Variants in CHL1 observed in about 807,000 individuals in gnomAD.
CHL1 encodes neural cell adhesion molecule L1-like protein.
Under a neutral mutation model 141.9 loss-of-function variants are expected in CHL1, and 96 were observed. That is an observed-to-expected ratio of 0.68 (90% confidence interval 0.57 to 0.80). CHL1 has a LOEUF of 0.80. Ranked by LOEUF, CHL1 falls within the 30% of genes least tolerant of loss-of-function variation. The pLI, the probability that CHL1 is intolerant of heterozygous loss-of-function variation, is 0.00. For missense variants in CHL1, 1,820 were observed against 1,457.2 expected (o/e 1.25, Z -4.05); for synonymous variants, 613 against 502.2 (o/e 1.22, Z -2.95).
In CHL1 at chr3:349,519, C is replaced by T; in HGVS notation, c.1009C>T (p.His337Tyr). The T allele has an allele frequency of 6.2e-7, 1 of 1,613,494 alleles. No individual in the cohort carries two copies. Among genetic ancestry groups the T allele is most frequent in the Non-Finnish European group, 8.5e-7 (1 of 1,179,784 alleles). ...TASNFLGTAT[H>Y]DFHVIVEEPP... Reference sequence around the variant, plus strand: ...CAGCAATTTCTTGGGAACAGCCACTCACGATTTTCACGTTATAGTAGAAGG... The same window carrying T: ...CAGCAATTTCTTGGGAACAGCCACTTACGATTTTCACGTTATAGTAGAAGG... Residue 337 changes from histidine (H) to tyrosine (Y), a missense_variant, in exon 10 of 28, where the codon CAC (histidine) becomes TAC (tyrosine). Transcript: ENST00000256509.
intron 2 of CHL1, among the ~76,000 whole-genome samples, chr3:283,083 A>G (rs1696809743): frequency 1.3e-5 from 2 of 152,196 alleles, no homozygotes; most frequent in African/African-American, 2.4e-5. Flanking sequence ...CACATAGTGA[A>G]TACATCTCTC....
At position 391,158 on chromosome 3, in the gene CHL1, A is replaced by G. The variant is rs773041284; in HGVS notation, c.2790A>G (p.Gly930=). 1 of 1,603,178 alleles carries G rather than the reference A, an allele frequency of 6.2e-7. No homozygotes were observed. The highest frequency in any genetic ancestry group is 8.5e-7 in the Non-Finnish European group (1 of 1,170,264). ...SEPYIFQTPE[G]VPEQPTFLKV... ...CTTATATATTTCAAACACCAGAAGG[A>G]GGTGAGAGGATAATGATGTAGAGTC... The change falls in exon 22 of 28, where the codon GGA becomes GGG. Residue 930 remains glycine (G), a splice_region_variant and synonymous_variant. Coordinates refer to ENST00000256509, the MANE Select transcript of CHL1 (RefSeq NM_006614.4).
intron 2 of CHL1, among the ~76,000 whole-genome samples, chr3:264,429 C>T (rs1694992634): frequency 6.6e-6 from 1 of 151,990 alleles, no homozygotes; most frequent in South Asian, 2.1e-4. Context: ...TTTTGAAAGC[C>T]ATACTCTGAA....
intron 19 of CHL1, 80 bp downstream of exon 19, chr3:383,966 C>A: frequency 2.3e-6 from 2 of 874,736 alleles, no homozygotes; most frequent in South Asian, 1.7e-5. Flanking sequence ...ACAATGATAG[C>A]ACAACATTTT....
chr3:337,372 T>TA (rs991120560), intron 5 of CHL1, among the ~76,000 whole-genome samples: 6 of 3,234 alleles, frequency 1.9e-3, no homozygotes, highest in Admixed American at 3.6e-3. Context: ...TTTATATATA[T>TA]TTTTTAAATT....
chr3:197,787 G>A, intron 1 of CHL1: 1 of 456,302 alleles, frequency 2.2e-6, no homozygotes, highest in Non-Finnish European at 4.4e-6. Context: ...TGGTTGCCAT[G>A]GCTCCTGGTA....
chr3:370,638 C>G (rs116223837), intron 15 of CHL1, among the ~76,000 whole-genome samples: 1,801 of 150,736 alleles, frequency 0.012, 22 homozygotes, highest in Non-Finnish European at 0.014. Flanking sequence ...TTTCTCTTGT[C>G]TTCTGCTAGC....
intron 11 of CHL1, among the ~76,000 whole-genome samples, chr3:355,467 A>G (rs1031007164): frequency 1.3e-5 from 2 of 152,160 alleles, no homozygotes; most frequent in South Asian, 2.1e-4. Flanking sequence ...GGAGTCCCCA[A>G]ATCTTCCACT....
chr3:389,573 CA>C, intron 20 of CHL1, 99 bp downstream of exon 20: 1 of 880,268 alleles, frequency 1.1e-6, no homozygotes, highest in Non-Finnish European at 1.8e-6. Flanking sequence ...CTACTGCATG[CA>C]AAGAGGATGT....
intron 2 of CHL1, among the ~76,000 whole-genome samples, chr3:276,352 C>T (rs1574934240): frequency 6.6e-6 from 1 of 152,226 alleles, no homozygotes; most frequent in East Asian, 1.9e-4. Flanking sequence ...AGTGTTATAA[C>T]CTTTCTTCTC....
intron 1 of CHL1, among the ~76,000 whole-genome samples, chr3:242,006 A>T (rs1692619678): frequency 6.6e-6 from 1 of 152,202 alleles, no homozygotes; most frequent in Non-Finnish European, 1.5e-5. Context: ...TTCTTAGATT[A>T]TAGTAGTGTA....
chr3:257,859 T>C (rs867217470), intron 2 of CHL1, among the ~76,000 whole-genome samples: 67 of 152,326 alleles, frequency 4.4e-4, no homozygotes, highest in African/African-American at 1.5e-3. Flanking sequence ...CGTACAGATA[T>C]GAAAAAAATC....
intron 2 of CHL1, among the ~76,000 whole-genome samples, chr3:268,235 A>G (rs559715997): frequency 6.6e-6 from 1 of 152,346 alleles, no homozygotes; most frequent in Admixed American, 6.5e-5. Flanking sequence ...AAGAAAATGT[A>G]TTGAAAATGA....
chr3:314,347 A>ATATATATATATG (rs2125005059), intron 2 of CHL1, among the ~76,000 whole-genome samples: 2 of 90,598 alleles, frequency 2.2e-5, no homozygotes, highest in East Asian at 4.4e-4. Context: ...ATATATATAT[A>ATATATATATATG]TATATATATA....
intron 2 of CHL1, among the ~76,000 whole-genome samples, chr3:280,654 G>A (rs963895650): frequency 2.0e-5 from 3 of 152,100 alleles, no homozygotes; most frequent in African/African-American, 7.2e-5. Flanking sequence ...CAGGACTCAA[G>A]AGCTTCCACC....
intron 2 of CHL1, among the ~76,000 whole-genome samples, chr3:262,652 G>T (rs1001044545): frequency 6.6e-6 from 1 of 152,212 alleles, no homozygotes; most frequent in African/African-American, 2.4e-5. Flanking sequence ...GGAGTGGTAA[G>T]GCCTGGTACA....
At chr3:207,564 G>C (rs543780998) in intron 1 of CHL1, among the ~76,000 whole-genome samples, 2 of 152,052 alleles carry the variant, frequency 1.3e-5, no homozygotes, top group South Asian at 2.1e-4. Flanking sequence ...TGCCCACAAG[G>C]GTAAACATAT....
chr3:250,977 AG>A (rs1357185524), intron 2 of CHL1, among the ~76,000 whole-genome samples: 4 of 152,178 alleles, frequency 2.6e-5, no homozygotes, highest in Admixed American at 2.6e-4. Flanking sequence ...AGAGAGACAC[AG>A]TTCTTATCCT....
At chr3:254,178 A>C (rs189349109) in intron 2 of CHL1, among the ~76,000 whole-genome samples, 39 of 152,274 alleles carry the variant, frequency 2.6e-4, no homozygotes, top group African/African-American at 8.9e-4. Context: ...GTGCAATGTC[A>C]TGTCCCCTTT....
Sources: allele counts gnomAD v4.1 joint callset (sites outside exome capture counted in the v4.1 genomes callset), GRCh38; gene constraint gnomAD v4.1.1; transcripts MANE v1.5; gene names NCBI Gene and HGNC (gene_info 2026-07-23, HGNC 2026-07-21).